The following AFDN variants were observed in gnomAD, a reference collection of about 807,000 sequenced individuals.
AFDN encodes the protein afadin, adherens junction formation factor, also known as afadin.
Under a neutral mutation model 216.6 loss-of-function variants are expected in AFDN, and 68 were observed. The ratio of observed to expected loss-of-function variants is 0.31; its 90% CI spans 0.26 to 0.38. The LOEUF (loss-of-function observed/expected upper bound fraction) is 0.38, where lower values mean the gene tolerates loss of function less well. Ranked by LOEUF, AFDN falls within the 10% of genes least tolerant of loss-of-function variation. The pLI is 1.00. For synonymous variants in AFDN, 868 were observed against 853.7 expected, an observed-to-expected ratio of 1.02 and a Z score of -0.29; for missense variants, 2,136 against 2,342.0, an observed-to-expected ratio of 0.91 and a Z score of 1.82.
intron 1 of AFDN, among the ~76,000 whole-genome samples, chr6:167,842,923 A>G (rs552200540): frequency 1.3e-5 from 2 of 152,280 alleles, no homozygotes; most frequent in South Asian, 4.1e-4. Flanking sequence ...ATTTGCTACT[A>G]TCTGTAAATA....
At chr6:167,885,460 A>C (rs1299539796) in intron 6 of AFDN, among the ~76,000 whole-genome samples, 1 of 152,174 alleles carries the variant, frequency 6.6e-6, no homozygotes, top group Non-Finnish European at 1.5e-5. Context: ...TAATTGGCCT[A>C]ATTTCAATGT....
At chr6:167,890,587 GT>G (rs552472341) in intron 7 of AFDN, among the ~76,000 whole-genome samples, 1 of 147,294 alleles carries the variant, frequency 6.8e-6, no homozygotes, top group South Asian at 2.2e-4. Flanking sequence ...TTAACCTGGT[GT>G]TTTTTTTTCA....
rs777587829 is a variant in AFDN, at chr6:167,890,959, A to C, written c.1107A>C (p.Arg369Ser). The change falls in exon 8 of 34, where the codon AGA becomes AGC. Residue 369 changes from arginine (R) to serine (S), a missense_variant. This residue lies in a region of AFDN where 817 missense variants were observed against 965.7 expected (regional missense o/e 0.85). Transcript: ENST00000683244. The part of the protein sequence containing the change: ...LEGKTPKGKE[R>S]ADGSGYGSTL... ...GCAAGACACCCAAGGGAAAGGAGAG[A>C]GCTGACGGGTCTGGCTATGGCTCCA... 20 of 1,613,984 alleles carry C rather than the reference A, an allele frequency of 1.2e-5. No individual in the cohort carries two copies. Among genetic ancestry groups the C allele is most frequent in the Non-Finnish European group, 1.7e-5 (20 of 1,180,002 alleles).
At position 167,945,132 on chromosome 6, in the gene AFDN, C is replaced by T. The variant is rs190408899; in HGVS notation, c.3358+1073C>T. 1.6e-4 allele frequency among the ~76,000 whole-genome samples: 25 copies of T among 151,898 alleles called. No homozygotes were observed. The East Asian group carries it at 4.1e-3, about 25-fold the overall frequency. ...TACAACTGTACAAAATATTTTCGTTCTTTCTATGCTTATTCCATAAGTGAT... is the reference window on the plus strand; with the variant it reads ...TACAACTGTACAAAATATTTTCGTTTTTTCTATGCTTATTCCATAAGTGAT... On this transcript the variant is annotated intron_variant, in intron 26 of 33. Coordinates refer to ENST00000683244, the MANE Select transcript of AFDN (RefSeq NM_001386888.1).
chr6:167,835,372 C>G (rs2128103105), intron 1 of AFDN, among the ~76,000 whole-genome samples: 1 of 152,216 alleles, frequency 6.6e-6, no homozygotes, highest in African/African-American at 2.4e-5. Context: ...GTTGTTCTTT[C>G]AAGTAAAAAA....
chr6:167,871,377 G>T (rs1323931866), intron 3 of AFDN, among the ~76,000 whole-genome samples: 1 of 152,072 alleles, frequency 6.6e-6, no homozygotes, highest in East Asian at 1.9e-4. Context: ...CTTTCATTCT[G>T]TATATTTTGC....
chr6:167,952,410 C>G (rs1380902905), intron 30 of AFDN: 1 of 1,413,490 alleles, frequency 7.1e-7, no homozygotes, highest in Admixed American at 2.8e-5. Context: ...GTATTAAATA[C>G]AATTCAAATG....
intron 26 of AFDN, among the ~76,000 whole-genome samples, chr6:167,944,740 T>TA (rs746197942): frequency 1.1e-4 from 16 of 151,788 alleles, no homozygotes; most frequent in Non-Finnish European, 4.4e-5. Flanking sequence ...CAGGCAACTG[T>TA]AATTCAGTGG....
intron 23 of AFDN, among the ~76,000 whole-genome samples, chr6:167,926,768 CCTAAATCAGGGTACTTT>C (rs1171339352): frequency 6.6e-6 from 1 of 152,118 alleles, no homozygotes; most frequent in Non-Finnish European, 1.5e-5. Context: ...ATCTCTGTCC[CCTAAATCAGGGTACTTT>C]TAGAACTGGA....
chr6:167,924,767 A>T (rs922682983), intron 22 of AFDN, among the ~76,000 whole-genome samples: 1 of 152,256 alleles, frequency 6.6e-6, no homozygotes, highest in African/African-American at 2.4e-5. Context: ...ATCAATTTAA[A>T]TAGCATTTGT....
At chr6:167,966,542 T>A (rs1049476180) in intron 32 of AFDN, among the ~76,000 whole-genome samples, 1 of 152,222 alleles carries the variant, frequency 6.6e-6, no homozygotes, top group Non-Finnish European at 1.5e-5. Context: ...AATCAGTCCT[T>A]CTCTGTTGTT....
chr6:167,948,706 G>A (rs966774758), intron 29 of AFDN, among the ~76,000 whole-genome samples: 3 of 152,166 alleles, frequency 2.0e-5, no homozygotes, highest in Admixed American at 6.5e-5. Context: ...GGAATATAAG[G>A]CCTTACAATT....
chr6:167,902,487 T>C, intron 12 of AFDN, 101 bp downstream of exon 12: 1 of 862,394 alleles, frequency 1.2e-6, no homozygotes, highest in South Asian at 1.5e-5. Flanking sequence ...TTGTGGGGGA[T>C]GTGTTCCAAG....
chr6:167,952,294 G>C (rs779677151), intron 30 of AFDN, 107 bp downstream of exon 30: 2 of 1,572,636 alleles, frequency 1.3e-6, no homozygotes, highest in African/African-American at 1.4e-5. Context: ...GGATTAAAAG[G>C]GCCCCTAGGC....
chr6:167,921,156 G>A (rs938594612), intron 21 of AFDN, among the ~76,000 whole-genome samples: 1 of 152,198 alleles, frequency 6.6e-6, no homozygotes, highest in African/African-American at 2.4e-5. Context: ...CTAGCATTTT[G>A]CAAATGCGTA....
intron 13 of AFDN, among the ~76,000 whole-genome samples, chr6:167,910,252 A>G (rs2128449894): frequency 6.6e-6 from 1 of 152,322 alleles, no homozygotes; most frequent in South Asian, 2.1e-4. Context: ...ACACATACAA[A>G]TGTGTATTCA....
intron 5 of AFDN, among the ~76,000 whole-genome samples, chr6:167,878,072 GT>G (rs752585348): frequency 3.3e-4 from 49 of 146,740 alleles, no homozygotes; most frequent in African/African-American, 7.7e-4. Flanking sequence ...TATTGTTATG[GT>G]TTTTTTTTTT....
rs1173403065 is a variant in AFDN, at chr6:167,891,044, C to T, written c.1177+15C>T. ...GTTAAGCCCAGGTGAGAAAACTGGT[C>T]ACACCAGCACACATTATTAATGTGC... On this transcript the variant is annotated intron_variant, in intron 8 of 33. Transcript: ENST00000683244. 6.4e-7 allele frequency: 1 copy of T among 1,554,928 alleles called. No homozygotes were observed. Among genetic ancestry groups the T allele is most frequent in the Non-Finnish European group, 8.7e-7 (1 of 1,150,900 alleles).
intron 12 of AFDN, among the ~76,000 whole-genome samples, chr6:167,905,723 C>T: frequency 6.8e-6 from 1 of 147,728 alleles, no homozygotes; most frequent in Non-Finnish European, 1.5e-5. Flanking sequence ...TTTCTTTATC[C>T]ATTGCCCTAT....
Sources: allele counts gnomAD v4.1 joint callset (sites outside exome capture counted in the v4.1 genomes callset), GRCh38; gene constraint gnomAD v4.1.1; regional missense constraint gnomAD v4.1.1; transcripts MANE v1.5; gene names NCBI Gene and HGNC (gene_info 2026-07-23, HGNC 2026-07-21).